Variants in SEMA3C observed in about 807,000 individuals in gnomAD.
The protein encoded by SEMA3C is semaphorin 3C, also known as semaphorin-3C.
In SEMA3C, 47 loss-of-function variants were observed where a neutral mutation model predicts 89.4. The observed-to-expected ratio is 0.53, with a 90% CI of 0.42 to 0.67. The LOEUF (loss-of-function observed/expected upper bound fraction) is 0.67, where lower values mean the gene tolerates loss of function less well. Among genes scored for constraint, SEMA3C ranks in the 30% least tolerant of loss-of-function variants. The pLI is 0.00. For missense variants in SEMA3C, 839 were observed against 929.1 expected (o/e 0.90, Z 1.26); for synonymous variants, 310 against 320.2 (o/e 0.97, Z 0.34).
chr7:80,789,187 C>T, intron 12 of SEMA3C, 119 bp downstream of exon 12: 1 of 757,042 alleles, frequency 1.3e-6, no homozygotes, highest in Non-Finnish European at 2.2e-6. Flanking sequence ...TCACTAAGGG[C>T]TAGACAGACG....
chr7:80,871,112 T>A lies in SEMA3C; in HGVS notation c.104-42367A>T, dbSNP rs528308237. 2.0e-5 allele frequency among the ~76,000 whole-genome samples: 3 copies of A among 152,336 alleles called. No individual in the cohort carries two copies. In the South Asian group the frequency reaches 6.2e-4, roughly 32 times the overall value. ...TTTTCTGTCAGTGTTCCATTTAAAT[T>A]GATGTGACCTCATTCATTAGCACAT... On this transcript the variant is annotated intron_variant, in intron 2 of 17. Coordinates refer to ENST00000265361, the MANE Select transcript of SEMA3C (RefSeq NM_006379.5).
chr7:80,817,958 C>A (rs142435730), intron 5 of SEMA3C, among the ~76,000 whole-genome samples: 1 of 151,970 alleles, frequency 6.6e-6, no homozygotes, highest in East Asian at 1.9e-4. Context: ...GAAATTATAA[C>A]ATTTTTCTTT....
intron 15 of SEMA3C, among the ~76,000 whole-genome samples, chr7:80,754,964 T>TGTTGTTTTTTTTGTTTTTTG (rs1788030244): frequency 7.7e-6 from 1 of 129,148 alleles, no homozygotes; most frequent in African/African-American, 2.8e-5. Context: ...TTTGTTTTTT[T>TGTTGTTTTTTTTGTTTTTTG]TTTTTTTGTA....
intron 4 of SEMA3C, among the ~76,000 whole-genome samples, chr7:80,823,356 G>T (rs967431739): frequency 6.6e-6 from 1 of 152,158 alleles, no homozygotes; most frequent in African/African-American, 2.4e-5. Flanking sequence ...AGGTCGAAGA[G>T]CTAATAAGAG....
At chr7:80,919,490 T>A (rs1289296188), upstream of SEMA3C, 1 of 550,984 alleles carries the variant, frequency 1.8e-6, no homozygotes, top group East Asian at 1.5e-4. Flanking sequence ...CAGGGAAGGA[T>A]CACTGCAGCC....
intron 2 of SEMA3C, among the ~76,000 whole-genome samples, chr7:80,845,290 G>A (rs1446222382): frequency 7.0e-6 from 1 of 143,144 alleles, no homozygotes; most frequent in Non-Finnish European, 1.5e-5. Context: ...CACACCCTCT[G>A]TGTCATCTTT....
chr7:80,745,473 C>CTT (rs113677262), intron 17 of SEMA3C, among the ~76,000 whole-genome samples, 166 bp from the exon 18 acceptor site: 53 of 147,158 alleles, frequency 3.6e-4, no homozygotes, highest in South Asian at 2.4e-3. Context: ...GTTCCATTGC[C>CTT]TTTTTTTTTT....
intron 1 of SEMA3C, among the ~76,000 whole-genome samples, chr7:80,917,233 A>G (rs990464553): frequency 7.9e-5 from 12 of 152,242 alleles, no homozygotes; most frequent in African/African-American, 2.9e-4. Context: ...CAGCAGCAGC[A>G]AAATCTCACA....
chr7:80,920,315 GCCCAGCAGATGTCACT>G (rs1166429716), upstream of SEMA3C, among the ~76,000 whole-genome samples: 2 of 152,154 alleles, frequency 1.3e-5, no homozygotes, highest in East Asian at 3.9e-4. Flanking sequence ...GTGGGGCACA[GCCCAGCAGATGTCACT>G]CTACAGAAGG....
At chr7:80,781,960 C>T (rs190502834) in intron 12 of SEMA3C, among the ~76,000 whole-genome samples, 51 of 152,094 alleles carry the variant, frequency 3.4e-4, no homozygotes, top group Non-Finnish European at 5.9e-4. Flanking sequence ...ATTCCAAACT[C>T]TCCAAATATA....
chr7:80,836,258 T>C (rs1014120870), intron 2 of SEMA3C, among the ~76,000 whole-genome samples: 1 of 152,204 alleles, frequency 6.6e-6, no homozygotes, highest in Non-Finnish European at 1.5e-5. Flanking sequence ...CACAGCTTCA[T>C]GTAGAAGACA....
chr7:80,754,964 T>TTTTTTTTGTTTTTTG, intron 15 of SEMA3C, among the ~76,000 whole-genome samples: 1 of 129,148 alleles, frequency 7.7e-6, no homozygotes, highest in Admixed American at 8.1e-5. Flanking sequence ...TTTGTTTTTT[T>TTTTTTTTGTTTTTTG]TTTTTTTGTA....
intron 12 of SEMA3C, among the ~76,000 whole-genome samples, chr7:80,774,712 C>A (rs1221109993): frequency 6.6e-6 from 1 of 152,012 alleles, no homozygotes; most frequent in Non-Finnish European, 1.5e-5. Flanking sequence ...GGTGAACAGA[C>A]CCTCTTGGCC....
At chr7:80,827,391 T>C (rs1562893689) in intron 4 of SEMA3C, 34 bp downstream of exon 4, 5 of 1,316,426 alleles carry the variant, frequency 3.8e-6, no homozygotes, top group Middle Eastern at 4.2e-4. Context: ...TTTAAGTTAG[T>C]GTTTTTTTTT....
intron 2 of SEMA3C, among the ~76,000 whole-genome samples, chr7:80,835,364 C>T (rs964405745): frequency 4.6e-5 from 7 of 152,154 alleles, no homozygotes; most frequent in Non-Finnish European, 1.5e-5. Context: ...AAACATTCTT[C>T]TCATCATAAA....
chr7:80,863,085 T>C (rs1191276560), intron 2 of SEMA3C, among the ~76,000 whole-genome samples: 3 of 151,768 alleles, frequency 2.0e-5, no homozygotes, highest in Admixed American at 6.6e-5. Flanking sequence ...AGATAAATAG[T>C]TGGGACTTAA....
At chr7:80,768,567 G>C (rs895514334) in intron 12 of SEMA3C, among the ~76,000 whole-genome samples, 15 of 151,902 alleles carry the variant, frequency 9.9e-5, no homozygotes, top group Admixed American at 2.0e-4. Flanking sequence ...TTTCTTGGGA[G>C]ATAAATAATA....
intron 12 of SEMA3C, among the ~76,000 whole-genome samples, chr7:80,770,845 A>G (rs1788416070): frequency 6.6e-6 from 1 of 152,232 alleles, no homozygotes. Flanking sequence ...TTCTGAAATC[A>G]GGAGCATTCA....
chr7:80,752,629 A>G lies in SEMA3C; in HGVS notation c.1644-1293T>C, dbSNP rs1583843244. 6.6e-5 allele frequency among the ~76,000 whole-genome samples: 10 copies of G among 151,924 alleles called. No homozygotes were observed. In the South Asian group the frequency reaches 1.9e-3, roughly 28 times the overall value. ...GACTCCATCTCAAAAAAAAAAAAAA[A>G]AAAATACAATATTTGCAAACTGGTC... is the stretch of plus-strand genomic sequence containing the variant. On this transcript the variant is annotated intron_variant, in intron 15 of 17. Coordinates refer to ENST00000265361, the MANE Select transcript of SEMA3C (RefSeq NM_006379.5).
Sources: gnomAD v4.1 joint callset for allele counts (sites outside exome capture counted in the v4.1 genomes callset) on GRCh38, gnomAD v4.1.1 for gene constraint, MANE v1.5 for transcripts, NCBI Gene and HGNC (gene_info 2026-07-23, HGNC 2026-07-21) for gene names.